Variants in CDH18 observed in about 807,000 individuals in gnomAD.
CDH18 encodes cadherin-18.
Under a neutral mutation model 67.9 loss-of-function variants are expected in CDH18, and 31 were observed. The observed-to-expected ratio is 0.46, with a 90% CI of 0.34 to 0.62. The LOEUF (loss-of-function observed/expected upper bound fraction) is 0.62. Ranked by LOEUF, CDH18 falls within the 20% of genes least tolerant of loss-of-function variation. CDH18 has a pLI of 0.01. For missense variants in CDH18, 890 were observed against 975.5 expected, an observed-to-expected ratio of 0.91 and a Z score of 1.17; for synonymous variants, 362 against 347.2, an observed-to-expected ratio of 1.04 and a Z score of -0.48.
chr5:19,781,083 CAA>C (rs1385747724), intron 3 of CDH18, among the ~76,000 whole-genome samples: 1 of 151,894 alleles, frequency 6.6e-6, no homozygotes, highest in Non-Finnish European at 1.5e-5. Flanking sequence ...TTTCCATAAC[CAA>C]TTTAAAACTA....
Position 20,030,730 on chromosome 5 carries a change from G to A in CDH18, c.-517-38716C>T, listed in dbSNP as rs561416364. Reference sequence around the variant, plus strand: ...GATAATTATTCACATCCCAATGAAGGTTGTATAATATTAGGAATTACGAGT... The same window carrying A: ...GATAATTATTCACATCCCAATGAAGATTGTATAATATTAGGAATTACGAGT... On this transcript the variant is annotated intron_variant, in intron 2 of 14. Coordinates refer to the CDH18 transcript ENST00000507958. Among the ~76,000 whole-genome samples, 124 of 152,234 alleles carry A rather than the reference G, an allele frequency of 8.1e-4. 1 individual carries two copies. Among genetic ancestry groups the A allele is most frequent in the African/African-American group, 2.9e-3 (120 of 41,542 alleles).
At chr5:20,145,118 C>T (rs1750536542) in intron 2 of CDH18, among the ~76,000 whole-genome samples, 1 of 151,842 alleles carries the variant, frequency 6.6e-6, no homozygotes. Flanking sequence ...TAAAATATCA[C>T]ATAGACAAAA....
chr5:20,439,470 T>C (rs776830950), intron 1 of CDH18, among the ~76,000 whole-genome samples: 8 of 151,338 alleles, frequency 5.3e-5, no homozygotes, highest in Non-Finnish European at 1.0e-4. Flanking sequence ...CACATACACA[T>C]GCACACACCG....
At chr5:20,523,414 T>C (rs1755866499) in intron 1 of CDH18, among the ~76,000 whole-genome samples, 1 of 152,206 alleles carries the variant, frequency 6.6e-6, no homozygotes, top group South Asian at 2.1e-4. Context: ...AATCTATATT[T>C]GTATTCTTTA....
At chr5:19,790,048 T>A (rs1776199104) in intron 3 of CDH18, among the ~76,000 whole-genome samples, 1 of 152,036 alleles carries the variant, frequency 6.6e-6, no homozygotes. Context: ...CCCACATATA[T>A]AAATATACCA....
At chr5:20,185,406 C>T (rs1239745564) in intron 2 of CDH18, among the ~76,000 whole-genome samples, 2 of 152,058 alleles carry the variant, frequency 1.3e-5, no homozygotes, top group South Asian at 2.1e-4. Flanking sequence ...TATTATGCCA[C>T]TCTTGTTCAA....
At chr5:20,495,812 G>A (rs1383244477) in intron 1 of CDH18, among the ~76,000 whole-genome samples, 1 of 151,414 alleles carries the variant, frequency 6.6e-6, no homozygotes, top group Admixed American at 6.6e-5. Context: ...AGAAAATAAA[G>A]TCAAAAGATA....
At chr5:20,330,058 TTAAAA>T (rs1409163506) in intron 1 of CDH18, among the ~76,000 whole-genome samples, 1 of 152,038 alleles carries the variant, frequency 6.6e-6, no homozygotes, top group East Asian at 1.9e-4. Context: ...CAAAAGAAAT[TTAAAA>T]TAAAGTAAAA....
intron 2 of CDH18, among the ~76,000 whole-genome samples, chr5:19,879,645 G>T (rs1232558192): frequency 6.6e-6 from 1 of 151,948 alleles, no homozygotes; most frequent in African/African-American, 2.4e-5. Context: ...CAAGCATTTG[G>T]TAAGTTTCAG....
At position 19,702,332 on chromosome 5, in the gene CDH18, A is replaced by G. The variant is rs184894417; in HGVS notation, c.643+19015T>C. ...CCTGGCTAATTTTATGTATTTTAGTAGAGAGGTGGTTTCACCATGTTGCCC... is the reference window on the plus strand; with the variant it reads ...CCTGGCTAATTTTATGTATTTTAGTGGAGAGGTGGTTTCACCATGTTGCCC... On this transcript the variant is annotated intron_variant, in intron 5 of 12. Coordinates refer to ENST00000382275, the MANE Select transcript of CDH18 (RefSeq NM_004934.5). Among the ~76,000 whole-genome samples the G allele has an allele frequency of 4.5e-3, 680 of 151,776 alleles. 6 individuals are homozygous for G. Among genetic ancestry groups the G allele is most frequent in the African/African-American group, 0.016 (644 of 41,482 alleles).
intron 1 of CDH18, among the ~76,000 whole-genome samples, chr5:20,320,696 A>G (rs1313262733): frequency 6.6e-6 from 1 of 152,164 alleles, no homozygotes; most frequent in East Asian, 1.9e-4. Context: ...AAAGGGGCCA[A>G]CACACCTTAG....
chr5:20,522,519 A>G (rs1166291826), intron 1 of CDH18, among the ~76,000 whole-genome samples: 1 of 152,184 alleles, frequency 6.6e-6, no homozygotes, highest in African/African-American at 2.4e-5. Context: ...GCAGTTACAT[A>G]TTTATAATAG....
chr5:20,117,993 G>A (rs931784754), intron 2 of CDH18, among the ~76,000 whole-genome samples: 2 of 152,178 alleles, frequency 1.3e-5, no homozygotes, highest in Admixed American at 6.5e-5. Flanking sequence ...TGTGTGGGGG[G>A]AGAGTATGTT....
intron 2 of CDH18, among the ~76,000 whole-genome samples, chr5:20,223,205 C>G (rs1018444874): frequency 1.3e-5 from 2 of 152,244 alleles, no homozygotes; most frequent in Middle Eastern, 3.4e-3. Context: ...CCACCTCTTG[C>G]ATCAGCATGA....
chr5:19,506,081 A>G (rs1579873232), intron 10 of CDH18, among the ~76,000 whole-genome samples: 1 of 151,906 alleles, frequency 6.6e-6, no homozygotes, highest in South Asian at 2.1e-4. Flanking sequence ...ATCCATTTCA[A>G]ATCAATGTGG....
At chr5:19,790,214 A>G (rs1349085828) in intron 3 of CDH18, among the ~76,000 whole-genome samples, 1 of 152,116 alleles carries the variant, frequency 6.6e-6, no homozygotes, top group Non-Finnish European at 1.5e-5. Context: ...CCAAAAATCT[A>G]ATCTTCTTAA....
chr5:19,797,803 T>G (rs2149835755), intron 3 of CDH18, among the ~76,000 whole-genome samples: 1 of 152,182 alleles, frequency 6.6e-6, no homozygotes, highest in Admixed American at 6.5e-5. Context: ...CAGCTTGAAT[T>G]TTTTTTATAA....
intron 1 of CDH18, 146 bp downstream of exon 1, chr5:19,987,940 C>G (rs74564595): frequency 2.6e-5 from 4 of 152,154 alleles, no homozygotes; most frequent in Admixed American, 2.6e-4. Flanking sequence ...CTACAACTTT[C>G]CCCTCAGCCC....
intron 1 of CDH18, among the ~76,000 whole-genome samples, chr5:20,272,197 A>G (rs1745487010): frequency 6.6e-6 from 1 of 152,084 alleles, no homozygotes. Flanking sequence ...AGATCTGTAA[A>G]CCAAATCTGA....
Sources: allele counts gnomAD v4.1 joint callset (sites outside exome capture counted in the v4.1 genomes callset), GRCh38; gene constraint gnomAD v4.1.1; transcripts MANE v1.5; gene names NCBI Gene and HGNC (gene_info 2026-07-23, HGNC 2026-07-21).